The following FHIT variants were observed in gnomAD, a reference collection of about 807,000 sequenced individuals.
FHIT encodes the protein bis(5'-adenosyl)-triphosphatase.
Under a neutral mutation model 17.9 loss-of-function variants are expected in FHIT, and 19 were observed. That is an observed-to-expected ratio of 1.06 (90% CI 0.74 to 1.56). The LOEUF (loss-of-function observed/expected upper bound fraction) is 1.56, where lower values mean the gene tolerates loss of function less well. Among genes scored for constraint, FHIT ranks in the 40% most tolerant of loss-of-function variants. The probability of loss-of-function intolerance (pLI) is 0.00; values close to 1 mark genes in which losing one functional copy is unlikely to be tolerated. For missense variants in FHIT, 248 were observed against 189.2 expected (o/e 1.31, Z -1.82); for synonymous variants, 81 against 69.7 (o/e 1.16, Z -0.81).
At chr3:59,983,645 C>A (rs13070349) in intron 7 of FHIT, among the ~76,000 whole-genome samples, 1 of 151,902 alleles carries the variant, frequency 6.6e-6, no homozygotes, top group African/African-American at 2.4e-5. Context: ...TTAGATAAGG[C>A]GGACTAATGT....
At chr3:59,851,185 G>A (rs955614122) in intron 8 of FHIT, among the ~76,000 whole-genome samples, 11 of 104,264 alleles carry the variant, frequency 1.1e-4, no homozygotes, top group African/African-American at 4.0e-4. Context: ...TAAAGTTGAT[G>A]AAGATGGTGG....
intron 5 of FHIT, among the ~76,000 whole-genome samples, chr3:60,415,872 A>T (rs1489918737): frequency 1.9e-5 from 1 of 52,566 alleles, no homozygotes; most frequent in Non-Finnish European, 1.0e-4. Context: ...TTATTATATA[A>T]TACTATTATA....
rs546017371 is a variant in FHIT, at chr3:61,178,792, A to T, written c.-164+21825T>A. Among the ~76,000 whole-genome samples, 5 of 152,172 alleles carry T rather than the reference A, an allele frequency of 3.3e-5. No homozygotes were observed. In the South Asian group the frequency reaches 8.3e-4, roughly 25 times the overall value. The stretch of plus-strand genomic sequence containing the variant: ...TTAGGATATAAATGAGTTATCTGGT[A>T]TAAATCACTGTCAAATTTGCACAAA... On this transcript the variant is annotated intron_variant, in intron 2 of 9. Coordinates refer to ENST00000492590, the MANE Select transcript of FHIT (RefSeq NM_002012.4).
At chr3:60,047,261 T>C (rs574184073) in intron 5 of FHIT, among the ~76,000 whole-genome samples, 220 of 152,376 alleles carry the variant, frequency 1.4e-3, no homozygotes, top group Non-Finnish European at 2.5e-3. Flanking sequence ...CACATTGTTA[T>C]AATGCTGGTT....
At chr3:60,341,768 C>G (rs150563240) in intron 5 of FHIT, among the ~76,000 whole-genome samples, 296 of 152,068 alleles carry the variant, frequency 1.9e-3, no homozygotes, top group African/African-American at 6.8e-3. Context: ...CTTTTTGTGT[C>G]TTCATGGGTA....
At chr3:60,739,513 A>G (rs1259290083) in intron 4 of FHIT, among the ~76,000 whole-genome samples, 2 of 152,148 alleles carry the variant, frequency 1.3e-5, no homozygotes, top group African/African-American at 4.8e-5. Flanking sequence ...ATGCCCCATG[A>G]GTGGGGCCAG....
At chr3:61,168,557 A>T (rs1000671647) in intron 2 of FHIT, among the ~76,000 whole-genome samples, 3 of 152,186 alleles carry the variant, frequency 2.0e-5, no homozygotes, top group African/African-American at 7.2e-5. Context: ...GGGATTTATC[A>T]CGTCTTAACT....
intron 4 of FHIT, among the ~76,000 whole-genome samples, chr3:60,798,038 C>A (rs557415105): frequency 6.6e-6 from 1 of 152,130 alleles, no homozygotes; most frequent in South Asian, 2.1e-4. Flanking sequence ...CAGGGATCAG[C>A]AAACTTTTTC....
chr3:60,574,524 A>G (rs1553656894), intron 4 of FHIT, among the ~76,000 whole-genome samples: 1 of 152,014 alleles, frequency 6.6e-6, no homozygotes, highest in Admixed American at 6.6e-5. Context: ...CCCCAACTGA[A>G]AGGGATATAT....
At chr3:60,967,883 T>C (rs758006898) in intron 3 of FHIT, among the ~76,000 whole-genome samples, 2 of 152,196 alleles carry the variant, frequency 1.3e-5, no homozygotes, top group African/African-American at 2.4e-5. Context: ...CATATTCAAA[T>C]ACCATCTATT....
intron 3 of FHIT, among the ~76,000 whole-genome samples, chr3:60,835,779 G>A (rs560079458): frequency 6.6e-6 from 1 of 152,004 alleles, no homozygotes; most frequent in Non-Finnish European, 1.5e-5. Context: ...CACCAGGCCT[G>A]GTTCATTTGT....
At chr3:60,935,382 G>C (rs1420085082) in intron 3 of FHIT, among the ~76,000 whole-genome samples, 2 of 152,136 alleles carry the variant, frequency 1.3e-5, no homozygotes, top group African/African-American at 2.4e-5. Flanking sequence ...AGGGAAAACA[G>C]AGTAATGATA....
intron 8 of FHIT, among the ~76,000 whole-genome samples, chr3:59,818,714 C>T (rs1474798406): frequency 1.3e-5 from 2 of 152,176 alleles, no homozygotes; most frequent in Non-Finnish European, 2.9e-5. Flanking sequence ...AAGACCGGGC[C>T]GACTGCCAGC....
chr3:59,927,529 A>G (rs1255171702), intron 7 of FHIT, among the ~76,000 whole-genome samples: 3 of 150,920 alleles, frequency 2.0e-5, no homozygotes, highest in Admixed American at 1.3e-4. Context: ...GCACTTTGGG[A>G]GGCCGAGGCG....
chr3:61,122,763 C>T (rs1429724999), intron 2 of FHIT, among the ~76,000 whole-genome samples: 2 of 152,160 alleles, frequency 1.3e-5, no homozygotes, highest in African/African-American at 4.8e-5. Flanking sequence ...ACCTCATCAT[C>T]ACTCGTCATT....
chr3:60,441,614 T>C (rs1416841953), intron 5 of FHIT, among the ~76,000 whole-genome samples: 1 of 149,774 alleles, frequency 6.7e-6, no homozygotes, highest in Non-Finnish European at 1.5e-5. Context: ...AACTGGTTAG[T>C]AAATTAGGCT....
chr3:59,769,471 A>G (rs1236166753), intron 8 of FHIT, among the ~76,000 whole-genome samples: 1 of 152,314 alleles, frequency 6.6e-6, no homozygotes, highest in South Asian at 2.1e-4. Flanking sequence ...ACTCTTCTAC[A>G]TGGCTTCTTA....
chr3:60,892,412 T>C (rs1553760922), intron 3 of FHIT, among the ~76,000 whole-genome samples: 1 of 152,128 alleles, frequency 6.6e-6, no homozygotes, highest in Non-Finnish European at 1.5e-5. Flanking sequence ...CACACACCCT[T>C]TCTCAGGTCA....
intron 4 of FHIT, among the ~76,000 whole-genome samples, chr3:60,620,499 G>C (rs911491620): frequency 1.3e-5 from 2 of 151,934 alleles, no homozygotes; most frequent in Non-Finnish European, 2.9e-5. Context: ...GAAAGACATG[G>C]AGTTACTTTA....
Sources: allele counts gnomAD v4.1 joint callset (sites outside exome capture counted in the v4.1 genomes callset), GRCh38; gene constraint gnomAD v4.1.1; transcripts MANE v1.5; gene names NCBI Gene and HGNC (gene_info 2026-07-23, HGNC 2026-07-21).